The following L3MBTL4 variants were observed in gnomAD, a reference collection of about 807,000 sequenced individuals.
L3MBTL4 encodes the protein lethal(3)malignant brain tumor-like protein 4.
A neutral mutation model predicts 84.5 loss-of-function variants in L3MBTL4; 70 were observed. That is an observed-to-expected ratio of 0.83 (90% CI 0.68 to 1.01). The LOEUF is 1.01. Among genes scored for constraint, L3MBTL4 ranks in the 50% least tolerant of loss-of-function variants. The pLI, the probability that L3MBTL4 is intolerant of heterozygous loss-of-function variation, is 0.00. For missense variants in L3MBTL4, 715 were observed against 754.8 expected, an observed-to-expected ratio of 0.95 and a Z score of 0.62; for synonymous variants, 274 against 259.8, an observed-to-expected ratio of 1.05 and a Z score of -0.52.
At chr18:6,312,325 C>T (rs2050875887) in intron 1 of L3MBTL4, among the ~76,000 whole-genome samples, 1 of 152,138 alleles carries the variant, frequency 6.6e-6, no homozygotes, top group African/African-American at 2.4e-5. Context: ...CTATAGTCCC[C>T]AGTGCTTTAC....
chr18:6,158,972 G>A (rs912772248), intron 13 of L3MBTL4, among the ~76,000 whole-genome samples: 8 of 152,172 alleles, frequency 5.3e-5, no homozygotes, highest in African/African-American at 1.9e-4. Flanking sequence ...ACCCATCAGG[G>A]ATGTCTCTTT....
At chr18:6,264,103 T>C in intron 4 of L3MBTL4, 65 bp from the exon 5 acceptor site, 2 of 1,221,620 alleles carry the variant, frequency 1.6e-6, no homozygotes, top group Non-Finnish European at 2.4e-6. Flanking sequence ...TAAAACTTAC[T>C]TGACAATAAA....
chr18:6,203,564 C>A (rs1233414517), intron 12 of L3MBTL4, among the ~76,000 whole-genome samples: 1 of 152,194 alleles, frequency 6.6e-6, no homozygotes, highest in Admixed American at 6.5e-5. Flanking sequence ...ACCTGACTCA[C>A]TGTGGAGGGC....
chr18:6,240,319 T>C (rs988204302), intron 8 of L3MBTL4, among the ~76,000 whole-genome samples: 6 of 151,888 alleles, frequency 4.0e-5, no homozygotes, highest in Non-Finnish European at 7.4e-5. Flanking sequence ...TTAATTTGAT[T>C]ACTCAATCTG....
At chr18:5,987,940 A>C (rs1567953023) in intron 16 of L3MBTL4, among the ~76,000 whole-genome samples, 1 of 152,220 alleles carries the variant, frequency 6.6e-6, no homozygotes, top group Non-Finnish European at 1.5e-5. Context: ...TTTTACTTAG[A>C]TCCAGAGACG....
At chr18:6,161,172 C>G (rs1463311968) in intron 13 of L3MBTL4, among the ~76,000 whole-genome samples, 1 of 152,206 alleles carries the variant, frequency 6.6e-6, no homozygotes, top group Non-Finnish European at 1.5e-5. Context: ...GAAAAGCCCA[C>G]CATGAGGGAC....
Position 6,165,485 on chromosome 18 carries a change from G to A in L3MBTL4, c.1096+6343C>T, listed in dbSNP as rs530797003. Reference sequence around the variant, plus strand: ...CCGTCAGACTAACAACTGATCTCTCGGCAGAAATTCTACAAGCCAGAAGAG... The same window carrying A: ...CCGTCAGACTAACAACTGATCTCTCAGCAGAAATTCTACAAGCCAGAAGAG... On this transcript the variant is annotated intron_variant, in intron 13 of 18. Transcript: ENST00000317931. Among the ~76,000 whole-genome samples, 61 of 152,230 alleles carry A rather than the reference G, an allele frequency of 4.0e-4. No homozygotes were observed. In the East Asian group the frequency reaches 7.3e-3, roughly 18 times the overall value.
At chr18:5,985,989 C>A (rs1447043686) in intron 16 of L3MBTL4, among the ~76,000 whole-genome samples, 1 of 152,088 alleles carries the variant, frequency 6.6e-6, no homozygotes, top group African/African-American at 2.4e-5. Flanking sequence ...GACCAGCAAC[C>A]AGGGGTGCTG....
At chr18:6,012,978 C>T (rs1055905190) in intron 16 of L3MBTL4, among the ~76,000 whole-genome samples, 1 of 152,162 alleles carries the variant, frequency 6.6e-6, no homozygotes. Context: ...CAAGGGGCAG[C>T]CAGAGGTCCC....
intron 10 of L3MBTL4, 78 bp downstream of exon 10, chr18:6,237,886 T>C: frequency 5.7e-6 from 6 of 1,045,176 alleles, no homozygotes; most frequent in Non-Finnish European, 7.5e-6. Flanking sequence ...TAAAATCTGG[T>C]CTTCATAAAC....
intron 16 of L3MBTL4, chr18:6,030,274 A>G: frequency 1.4e-5 from 14 of 984,984 alleles, no homozygotes; most frequent in Non-Finnish European, 1.7e-5. Flanking sequence ...ATACCTGTTG[A>G]ATTTTGCACC....
intron 4 of L3MBTL4, among the ~76,000 whole-genome samples, chr18:6,285,304 G>A (rs1253675262): frequency 6.6e-6 from 1 of 152,108 alleles, no homozygotes; most frequent in Non-Finnish European, 1.5e-5. Context: ...TACAACTAAG[G>A]GGAACAGAGC....
chr18:6,052,238 TGA>T (rs1487108771), intron 16 of L3MBTL4, among the ~76,000 whole-genome samples: 2 of 152,228 alleles, frequency 1.3e-5, no homozygotes, highest in African/African-American at 4.8e-5. Context: ...ACATAGCTAC[TGA>T]TAGCATGCTA....
rs1339825939 is a variant in L3MBTL4 at position 6,295,336 on chromosome 18, CTCTCTCTCTCTATA to C, written c.127+6553_127+6566del. ...TCTCTCTCTCTCTCTCTCTCTCTCT[CTCTCTCTCTCTATA>C]TATATATATATATATATATATACAG... is the stretch of plus-strand genomic sequence containing the variant. On this transcript the variant is annotated intron_variant, in intron 4 of 18. Coordinates refer to ENST00000317931, the MANE Select transcript of L3MBTL4 (RefSeq NM_001330559.2). Among the ~76,000 whole-genome samples the C allele has an allele frequency of 6.5e-3, 854 of 130,722 alleles. 9 individuals are homozygous for C. The highest frequency in any genetic ancestry group is 0.027 in the African/African-American group (807 of 29,656). 85.8% of individuals were successfully genotyped at this position (130,722 alleles called of 152,430 possible). A position where few individuals can be genotyped will look rare whatever the true frequency, so the allele number is the denominator to read the frequency against.
At chr18:6,376,385 A>G (rs2054370914) in intron 1 of L3MBTL4, among the ~76,000 whole-genome samples, 1 of 152,112 alleles carries the variant, frequency 6.6e-6, no homozygotes, top group Non-Finnish European at 1.5e-5. Flanking sequence ...ATGAAATTAC[A>G]CTGTCTGTTC....
At chr18:6,000,107 G>T (rs1465342433) in intron 16 of L3MBTL4, among the ~76,000 whole-genome samples, 2 of 149,636 alleles carry the variant, frequency 1.3e-5, no homozygotes, top group African/African-American at 2.5e-5. Context: ...AAAGAAAGAA[G>T]AAAAAGAAAA....
At chr18:5,959,241 A>G (rs537381138) in intron 18 of L3MBTL4, among the ~76,000 whole-genome samples, 10 of 152,194 alleles carry the variant, frequency 6.6e-5, no homozygotes, top group Admixed American at 2.0e-4. Flanking sequence ...GAGCTCTCAG[A>G]TGGATATGAG....
chr18:6,237,176 G>C (rs892658254), intron 10 of L3MBTL4, among the ~76,000 whole-genome samples: 21 of 152,044 alleles, frequency 1.4e-4, no homozygotes, highest in Admixed American at 5.9e-4. Flanking sequence ...TAAATGTTTA[G>C]CTAAGATGTT....
intron 16 of L3MBTL4, among the ~76,000 whole-genome samples, chr18:6,071,801 G>GAAAGAAAGAAAGAA (rs1568066983): frequency 8.5e-6 from 1 of 117,992 alleles, no homozygotes; most frequent in African/African-American, 3.2e-5. Flanking sequence ...AAGAAAGAAA[G>GAAAGAAAGAAAGAA]AAAAAGAAAG....
Sources: allele counts gnomAD v4.1 joint callset (sites outside exome capture counted in the v4.1 genomes callset), GRCh38; gene constraint gnomAD v4.1.1; transcripts MANE v1.5; gene names NCBI Gene and HGNC (gene_info 2026-07-23, HGNC 2026-07-21).